Variants in SLC2A5 observed in about 807,000 individuals in gnomAD.
SLC2A5 encodes the protein solute carrier family 2 member 5, also known as solute carrier family 2, facilitated glucose transporter member 5.
Under a neutral mutation model 50.3 loss-of-function variants are expected in SLC2A5, and 56 were observed. The observed-to-expected ratio is 1.11, with a 90% confidence interval of 0.90 to 1.39. The LOEUF is 1.39. Among genes scored for constraint, SLC2A5 ranks in the 40% most tolerant of loss-of-function variants. SLC2A5 has a pLI of 0.00. For synonymous variants in SLC2A5, 269 were observed against 281.9 expected (o/e 0.95, Z 0.46); for missense variants, 566 against 650.1 (o/e 0.87, Z 1.41).
intron 2 of SLC2A5, among the ~76,000 whole-genome samples, chr1:9,077,864 G>A (rs1228240815): frequency 6.6e-6 from 1 of 151,956 alleles, no homozygotes; most frequent in South Asian, 2.1e-4. Context: ...GACCCCAAGA[G>A]AAGGTTCTTG....
chr1:9,073,602 T>G (rs1451401086), upstream of SLC2A5, among the ~76,000 whole-genome samples: 1 of 152,244 alleles, frequency 6.6e-6, no homozygotes. Flanking sequence ...TTCATTTTGT[T>G]TTCTGTCACT....
At chr1:9,077,466 C>T (rs560440401) in intron 2 of SLC2A5, among the ~76,000 whole-genome samples, 8 of 148,142 alleles carry the variant, frequency 5.4e-5, no homozygotes, top group Non-Finnish European at 7.4e-5. Context: ...AAAGTCTGGA[C>T]GCAGTGGCTC....
chr1:9,085,879 T>C (rs1642396292), intron 1 of SLC2A5, among the ~76,000 whole-genome samples: 1 of 152,198 alleles, frequency 6.6e-6, no homozygotes, highest in African/African-American at 2.4e-5. Context: ...TCCTGGGAGT[T>C]CTGCTGTCTG....
upstream of SLC2A5, among the ~76,000 whole-genome samples, chr1:9,070,086 T>TC (rs1642184171): frequency 7.2e-6 from 1 of 137,976 alleles, no homozygotes; most frequent in African/African-American, 2.8e-5. Context: ...TTTTTTTTTT[T>TC]TTTTTTTTTT....
intron 1 of SLC2A5, among the ~76,000 whole-genome samples, chr1:9,065,567 G>A (rs775657607): frequency 4.6e-5 from 7 of 152,214 alleles, no homozygotes; most frequent in Non-Finnish European, 8.8e-5. Context: ...GGGGCAGGGA[G>A]AGATGAGCAT....
rs566050922 is a variant in SLC2A5 at position 9,039,547 on chromosome 1, C to G, written c.996+5G>C. 8.3e-6 allele frequency: 13 copies of G among 1,559,280 alleles called. No homozygotes were observed. In the African/African-American group the frequency reaches 1.8e-4, roughly 21 times the overall value. On this transcript the variant is annotated splice_donor_5th_base_variant and intron_variant, in intron 8 of 11. Transcript: ENST00000377424. ...GAGGCTGTGGGCAGCTCCCAGGACA[C>G]TCACGGCGCAGAAGGTCATGACCAC...
At chr1:9,064,315 G>C (rs898914889) in intron 1 of SLC2A5, among the ~76,000 whole-genome samples, 9 of 152,134 alleles carry the variant, frequency 5.9e-5, no homozygotes, top group Admixed American at 1.3e-4. Flanking sequence ...ATAAGGAAAA[G>C]GGAGGGGCTG....
upstream of SLC2A5, chr1:9,069,694 G>T: frequency 1.4e-6 from 1 of 731,036 alleles, no homozygotes; most frequent in Non-Finnish European, 2.3e-6. Flanking sequence ...ACCCTTTCAG[G>T]AACCTGGTCT....
chr1:9,044,150 G>A (rs1190273429), intron 4 of SLC2A5, among the ~76,000 whole-genome samples: 1 of 150,630 alleles, frequency 6.6e-6, no homozygotes, highest in Non-Finnish European at 1.5e-5. Flanking sequence ...CCAACATGGT[G>A]AAACCCCATC....
chr1:9,060,288 T>TAC (rs768766619), intron 1 of SLC2A5, among the ~76,000 whole-genome samples: 25,787 of 87,370 alleles, frequency 0.3, 3,960 homozygotes, highest in East Asian at 0.61. Context: ...ACACAAACAC[T>TAC]ACACACACAC....
intron 2 of SLC2A5, among the ~76,000 whole-genome samples, chr1:9,074,766 G>A (rs777159015): frequency 1.3e-5 from 2 of 152,162 alleles, no homozygotes; most frequent in African/African-American, 2.4e-5. Context: ...GCTTTCTCCT[G>A]TAATCCCAGC....
chr1:9,066,861 C>A (rs2124447608), intron 1 of SLC2A5, among the ~76,000 whole-genome samples: 1 of 151,988 alleles, frequency 6.6e-6, no homozygotes, highest in South Asian at 2.1e-4. Flanking sequence ...GCCTGTAGTC[C>A]CAGCTACTCG....
chr1:9,041,277 T>C (rs1415490930), intron 5 of SLC2A5: 1 of 407,544 alleles, frequency 2.5e-6, no homozygotes. Flanking sequence ...CCCCAGGCTG[T>C]CTTGGGGAAG....
At position 9,041,863 on chromosome 1, in the gene SLC2A5, C is replaced by T; in HGVS notation, c.493G>A (p.Val165Met). ...PKNLRGALGV[V>M]PQLFITVGIL... The stretch of plus-strand genomic sequence containing the variant: ...CCAACAGTGATGAAGAGCTGGGGCA[C>T]CACCCCGAGAGCCCCCCGCAGGTTT... The change falls in exon 5 of 12, where the codon GTG (valine) becomes ATG (methionine). Residue 165 changes from valine to methionine, a missense_variant. Physicochemically the swap from Val to Met is conservative, Grantham distance 21. Coordinates refer to ENST00000377424, the MANE Select transcript of SLC2A5 (RefSeq NM_003039.3). 1 of 1,613,968 alleles carries T rather than the reference C, an allele frequency of 6.2e-7. No individual in the cohort carries two copies. Among genetic ancestry groups the T allele is most frequent in the South Asian group, 1.1e-5 (1 of 91,070 alleles).
chr1:9,079,520 C>T (rs1642329856), intron 2 of SLC2A5, among the ~76,000 whole-genome samples: 1 of 152,210 alleles, frequency 6.6e-6, no homozygotes. Context: ...GAGTCTCATT[C>T]TGTCACCCAG....
chr1:9,060,264 C>T, intron 1 of SLC2A5, among the ~76,000 whole-genome samples: 1 of 137,356 alleles, frequency 7.3e-6, no homozygotes, highest in African/African-American at 2.7e-5. Context: ...ACTACACACA[C>T]ACTCCCCACA....
intron 1 of SLC2A5, among the ~76,000 whole-genome samples, chr1:9,064,635 C>T (rs1292542342): frequency 6.6e-6 from 1 of 152,182 alleles, no homozygotes; most frequent in Non-Finnish European, 1.5e-5. Flanking sequence ...GCAGTCACAT[C>T]TTATTCCCAC....
chr1:9,042,655 G>GGTGT (rs141485120), intron 4 of SLC2A5, among the ~76,000 whole-genome samples: 1 of 136,736 alleles, frequency 7.3e-6, no homozygotes, highest in South Asian at 2.4e-4. Flanking sequence ...GTGTGGCCTG[G>GGTGT]GTGTGTGTGT....
Position 9,080,426 on chromosome 1 carries a change from A to T in SLC2A5, c.-59+4588T>A, listed in dbSNP as rs552392219. Among the ~76,000 whole-genome samples the T allele has an allele frequency of 7.2e-5, 11 of 152,238 alleles. No homozygotes were observed. In the East Asian group the frequency reaches 2.1e-3, roughly 29 times the overall value. Reference sequence around the variant, plus strand: ...AGTAGCTACGCCATTTTACGTTCTCACCAACAGTATATAAGAGTTTCAATT... The same window carrying T: ...AGTAGCTACGCCATTTTACGTTCTCTCCAACAGTATATAAGAGTTTCAATT... On this transcript the variant is annotated intron_variant, in intron 2 of 5. Coordinates refer to the SLC2A5 transcript ENST00000464985.
Sources: gnomAD v4.1 joint callset for allele counts (sites outside exome capture counted in the v4.1 genomes callset) on GRCh38, gnomAD v4.1.1 for gene constraint, MANE v1.5 for transcripts, NCBI Gene and HGNC (gene_info 2026-07-23, HGNC 2026-07-21) for gene names.